Variants in ENTREP3 observed in about 807,000 individuals in gnomAD.
ENTREP3 encodes endosomal transmembrane epsin interactor 3, also known as protein ENTREP3.
At chr1:155,254,397 TACC>T in the ENTREP3 span, 134 of 1,613,942 alleles carry the variant, frequency 8.3e-5, no homozygotes, top group Non-Finnish European at 1.0e-4. This position sits in a 1 kb window ranked among gnomAD's most constrained non-coding sequence, Gnocchi z 4.4. Context: ...CCCTGGCACC[TACC>T]ACTAGAGTGA....
At chr1:155,251,291 C>T in the ENTREP3 span, 2 of 810,092 alleles carry the variant, frequency 2.5e-6, no homozygotes, top group Non-Finnish European at 3.9e-6. Flanking sequence ...AATTGTGCAG[C>T]CTCAGCTTCC....
the ENTREP3 span, chr1:155,250,712 G>A: frequency 1.2e-6 from 2 of 1,613,022 alleles, no homozygotes; most frequent in Non-Finnish European, 1.7e-6. This position sits in a 1 kb window ranked among gnomAD's most constrained non-coding sequence, Gnocchi z 5.4. Flanking sequence ...CGTAGTCCAC[G>A]GAGCGCACGG....
At chr1:155,248,385 G>T in the ENTREP3 span, 1 of 1,614,112 alleles carries the variant, frequency 6.2e-7, no homozygotes, top group Middle Eastern at 1.6e-4. Context: ...CATCCCTGGG[G>T]CGCAAACCAC....
the ENTREP3 span, chr1:155,247,970 A>G: frequency 6.2e-7 from 1 of 1,607,598 alleles, no homozygotes; most frequent in Non-Finnish European, 8.5e-7. Flanking sequence ...ACAGGGACAC[A>G]AGAAAGGGCA....
chr1:155,251,436 G>A, the ENTREP3 span: 2 of 1,162,020 alleles, frequency 1.7e-6, no homozygotes, highest in Non-Finnish European at 2.6e-6. Context: ...AGAGGCTACA[G>A]CCTGTTCAGC....
At chr1:155,252,519 G>A in the ENTREP3 span, among the ~76,000 whole-genome samples, 9 of 149,738 alleles carry the variant, frequency 6.0e-5, no homozygotes, top group South Asian at 2.1e-4. Context: ...ACAGGCACCC[G>A]CCACCACACC....
the ENTREP3 span, chr1:155,250,568 G>A: frequency 4.4e-6 from 7 of 1,596,580 alleles, no homozygotes; most frequent in African/African-American, 2.7e-5. The surrounding 1 kb of genome is among the most constrained non-coding windows in gnomAD (Gnocchi z 5.4). Flanking sequence ...GAGCTTCAGG[G>A]GCAGAGCAGG....
At chr1:155,251,365 A>G in the ENTREP3 span, 1 of 741,156 alleles carries the variant, frequency 1.3e-6, no homozygotes, top group Admixed American at 2.8e-5. Context: ...AGGGAAGATC[A>G]AAGGCAACAG....
chr1:155,248,529 G>T, the ENTREP3 span: 1 of 1,496,432 alleles, frequency 6.7e-7, no homozygotes, highest in Non-Finnish European at 9.3e-7. Context: ...CTGTGGACAC[G>T]CCCACCCTCC....
the ENTREP3 span, among the ~76,000 whole-genome samples, chr1:155,248,818 G>A: frequency 1.3e-5 from 2 of 151,758 alleles, no homozygotes; most frequent in African/African-American, 2.4e-5. Context: ...AGGTTCAAGC[G>A]ATTCTCCTGC....
At chr1:155,249,128 C>T in the ENTREP3 span, among the ~76,000 whole-genome samples, 1 of 151,902 alleles carries the variant, frequency 6.6e-6, no homozygotes, top group Non-Finnish European at 1.5e-5. Context: ...GTCTCTGTCA[C>T]CCAGGCTGGA....
chr1:155,254,127 C>T, the ENTREP3 span: 5 of 1,614,116 alleles, frequency 3.1e-6, no homozygotes, highest in African/African-American at 1.3e-5. This position sits in a 1 kb window ranked among gnomAD's most constrained non-coding sequence, Gnocchi z 4.4. Context: ...AGCATTCTTA[C>T]AGGAGAGAAC....
At chr1:155,252,951 A>C in the ENTREP3 span, 1 of 150,106 alleles carries the variant, frequency 6.7e-6, no homozygotes, top group African/African-American at 2.5e-5. Flanking sequence ...TCTGTCGCCC[A>C]GGCTGGAGTG....
chr1:155,254,607 G>C, the ENTREP3 span: 1 of 1,586,028 alleles, frequency 6.3e-7, no homozygotes, highest in South Asian at 1.1e-5. This position sits in a 1 kb window ranked among gnomAD's most constrained non-coding sequence, Gnocchi z 4.4. Context: ...GTGGAGGGTG[G>C]GGCCCGAGGA....
chr1:155,252,343 G>A, the ENTREP3 span, among the ~76,000 whole-genome samples: 1 of 151,610 alleles, frequency 6.6e-6, no homozygotes, highest in Non-Finnish European at 1.5e-5. Context: ...AATTATAAGG[G>A]TGTGCAACCA....
chr1:155,254,737 C>T, the ENTREP3 span: 1 of 1,613,798 alleles, frequency 6.2e-7, no homozygotes, highest in Admixed American at 1.7e-5. The surrounding 1 kb of genome is among the most constrained non-coding windows in gnomAD (Gnocchi z 4.4). Flanking sequence ...AGGTGACCAC[C>T]AGGATGCCCA....
chr1:155,250,843 G>A, the ENTREP3 span: 2 of 1,580,180 alleles, frequency 1.3e-6, no homozygotes, highest in African/African-American at 2.7e-5. This position sits in a 1 kb window ranked among gnomAD's most constrained non-coding sequence, Gnocchi z 5.4. Context: ...AGGGGGCGCT[G>A]TGTAGCACCA....
the ENTREP3 span, chr1:155,251,596 G>A: frequency 1.9e-5 from 31 of 1,613,724 alleles, no homozygotes; most frequent in African/African-American, 1.3e-4. Context: ...GCCATTGTAC[G>A]TGATGCTGGC....
the ENTREP3 span, chr1:155,248,326 G>GA: frequency 6.2e-7 from 1 of 1,611,734 alleles, no homozygotes; most frequent in African/African-American, 1.3e-5. Context: ...AGAGATAAGA[G>GA]AATGGTATTG....
Sources: gnomAD v4.1 joint callset for allele counts (sites outside exome capture counted in the v4.1 genomes callset) on GRCh38, gnomAD v4.1.1 for gene constraint, Gnocchi (gnomAD v3.1) non-coding constraint, MANE v1.5 for transcripts, NCBI Gene and HGNC (gene_info 2026-07-23, HGNC 2026-07-21) for gene names.